PC: variants seen among roughly 807,000 people sequenced by gnomAD.
PC encodes pyruvate carboxylase, mitochondrial.
In PC, 46 loss-of-function variants were observed where a neutral mutation model predicts 107.8. The observed-to-expected ratio is 0.43, with a 90% CI of 0.34 to 0.55. The LOEUF (loss-of-function observed/expected upper bound fraction) is 0.55. Among genes scored for constraint, PC ranks in the 20% least tolerant of loss-of-function variants. The pLI, the probability that PC is intolerant of heterozygous loss-of-function variation, is 0.04. For synonymous variants in PC, 662 were observed against 684.7 expected (o/e 0.97, Z 0.52); for missense variants, 1,241 against 1,643.1 (o/e 0.76, Z 4.23).
intron 10 of PC, 24 bp downstream of exon 10, chr11:66,868,822 C>T (rs1399443888): frequency 6.3e-7 from 1 of 1,582,114 alleles, no homozygotes. Context: ...GCGCCTCCCG[C>T]CCCGCCTGCC....
At chr11:66,950,144 T>C (rs1355845587) in intron 3 of PC, among the ~76,000 whole-genome samples, 1 of 152,216 alleles carries the variant, frequency 6.6e-6, no homozygotes, top group Admixed American at 6.5e-5. Flanking sequence ...ACGTAATAAA[T>C]GGGCAGCATG....
rs1369811876 is a variant in PC, at chr11:66,852,043, T to C, written c.1826-97A>G. 1 of 1,252,960 alleles carries C rather than the reference T, an allele frequency of 8.0e-7. No individual in the cohort carries two copies. Among genetic ancestry groups the C allele is most frequent in the Non-Finnish European group, 1.1e-6 (1 of 875,512 alleles). The allele number at this position is 1,252,960 out of a possible 1,614,324, so 77.6% of individuals were successfully genotyped here. A position where few individuals can be genotyped will look rare whatever the true frequency, so the allele number is the denominator to read the frequency against. ...CTGCAGCACAAGCCTCTGGCCCCAA[T>C]ACCAGGTCCTGCTCATCTTCGCCAT... is the stretch of plus-strand genomic sequence containing the variant. On this transcript the variant is annotated intron_variant, in intron 15 of 22. Coordinates refer to ENST00000393960, the MANE Select transcript of PC (RefSeq NM_001040716.2). This position sits in a 1 kb window ranked among gnomAD's most constrained non-coding sequence, Gnocchi z 4.7.
chr11:66,870,815 C>T lies in PC; in HGVS notation c.711G>A (p.Lys237=). 1 of 1,613,718 alleles carries T rather than the reference C, an allele frequency of 6.2e-7. No homozygotes were observed. Among genetic ancestry groups the T allele is most frequent in the Non-Finnish European group, 8.5e-7 (1 of 1,180,004 alleles). ...CGATGTGCCGTGGCTTCTCGATGAA[C>T]TTCTCCACAAACAGCGCCCCATTCC... is the stretch of plus-strand genomic sequence containing the variant. ...AFGNGALFVE[K]FIEKPRHIEV... is the part of the protein sequence containing the mutation. The change falls in exon 8 of 23, where the codon AAG becomes AAA. Residue 237 remains lysine (K), a synonymous_variant. Coordinates refer to ENST00000393960, the MANE Select transcript of PC (RefSeq NM_001040716.2). The surrounding 1 kb of genome is among the most constrained non-coding windows in gnomAD (Gnocchi z 6.1).
rs150731428 is a variant in PC at position 66,866,221 on chromosome 11, G to A, written c.1151C>T (p.Ala384Val). 12 of 1,611,434 alleles carry A rather than the reference G, an allele frequency of 7.4e-6. No homozygotes were observed. Among genetic ancestry groups the A allele is most frequent in the South Asian group, 3.3e-5 (3 of 91,014 alleles). ...GCCGGTGTCCGGCTGGAAGCTGCGC[G>A]CGGGGTCCTCGGTGGTGACCCGGCA... The part of the protein sequence containing the change: ...IQCRVTTEDP[A>V]RSFQPDTGRI... Residue 384 changes from alanine to valine, a missense_variant, in exon 11 of 23, where the codon GCG becomes GTG. Around this residue, in one of 2 missense-constraint regions of PC, gnomAD observed 1,143 missense variants for 1,551.9 expected, o/e 0.74. Transcript: ENST00000393960. This position sits in a 1 kb window ranked among gnomAD's most constrained non-coding sequence, Gnocchi z 5.4.
In PC at chr11:66,852,047, A is replaced by G. The variant is rs1459802593; in HGVS notation, c.1826-101T>C. 1.6e-6 allele frequency: 2 copies of G among 1,228,648 alleles called. No individual in the cohort carries two copies. The highest frequency in any genetic ancestry group is 2.3e-6 in the Non-Finnish European group (2 of 854,736). The allele number at this position is 1,228,648 out of a possible 1,614,324, so 76.1% of individuals were successfully genotyped here. On this transcript the variant is annotated intron_variant, in intron 15 of 22. Transcript: ENST00000393960. This position sits in a 1 kb window ranked among gnomAD's most constrained non-coding sequence, Gnocchi z 4.7. ...AGCACAAGCCTCTGGCCCCAATACC[A>G]GGTCCTGCTCATCTTCGCCATACCT...
intron 3 of PC, among the ~76,000 whole-genome samples, chr11:66,938,307 G>A (rs1257804738): frequency 6.6e-6 from 1 of 152,090 alleles, no homozygotes; most frequent in Non-Finnish European, 1.5e-5. Context: ...GAAAAAGTTG[G>A]TTTTAATCAT....
intron 3 of PC, among the ~76,000 whole-genome samples, chr11:66,925,962 G>A (rs576704355): frequency 1.1e-4 from 16 of 151,524 alleles, no homozygotes; most frequent in East Asian, 1.9e-4. Context: ...ATCATACATC[G>A]TAGGCTACTG....
In PC at chr11:66,862,630, C is replaced by G. The variant is rs1013891891; in HGVS notation, c.1368+1144G>C. On this transcript the variant is annotated intron_variant, in intron 12 of 22. Coordinates refer to ENST00000393960, the MANE Select transcript of PC (RefSeq NM_001040716.2). The stretch of plus-strand genomic sequence containing the variant: ...CCAAAGCCCCTGTCCTCCGGCTCTT[C>G]TTGCCATTCTGAGGGTGGCTCCCAC... Among the ~76,000 whole-genome samples, 15 of 152,374 alleles carry G rather than the reference C, an allele frequency of 9.8e-5. No homozygotes were observed. In the South Asian group the frequency reaches 2.1e-3, roughly 21 times the overall value.
intron 3 of PC, among the ~76,000 whole-genome samples, chr11:66,942,653 G>A (rs957507299): frequency 6.6e-6 from 1 of 152,116 alleles, no homozygotes; most frequent in African/African-American, 2.4e-5. Flanking sequence ...AAAGTCTGCA[G>A]ATAGTGGTGA....
chr11:66,914,536 G>C (rs867937211), intron 3 of PC, among the ~76,000 whole-genome samples: 2 of 151,030 alleles, frequency 1.3e-5, no homozygotes, highest in Non-Finnish European at 1.5e-5. Context: ...AAGAAAGAAA[G>C]ACTTTGCCAG....
chr11:66,871,817 A>G lies in PC; in HGVS notation c.191T>C (p.Val64Ala). 1 of 1,609,354 alleles carries G rather than the reference A, an allele frequency of 6.2e-7. No individual in the cohort carries two copies. The highest frequency in any genetic ancestry group is 8.5e-7 in the Non-Finnish European group (1 of 1,179,526). Reference protein sequence around the residue: ...RACTELGIRTVAIYSEQDTGQ... With the variant: ...RACTELGIRTAAIYSEQDTGQ... ...CGTGTCCTGCTCAGAGTAGATGGCTACGGTGCGGATGCCCAGCTCCGTGCA... is the reference window on the plus strand; with the variant it reads ...CGTGTCCTGCTCAGAGTAGATGGCTGCGGTGCGGATGCCCAGCTCCGTGCA... The change falls in exon 5 of 23, where the codon GTA (valine) becomes GCA (alanine). Residue 64 changes from valine to alanine, a missense_variant. Physicochemically the swap from Val to Ala is moderately conservative, Grantham distance 64. This residue lies in a region of PC where 1,143 missense variants were observed against 1,551.9 expected (regional missense o/e 0.74). Transcript: ENST00000393960. The surrounding 1 kb of genome is among the most constrained non-coding windows in gnomAD (Gnocchi z 7.4).
At chr11:66,913,454 G>A (rs1405930467) in intron 3 of PC, among the ~76,000 whole-genome samples, 1 of 151,888 alleles carries the variant, frequency 6.6e-6, no homozygotes, top group East Asian at 1.9e-4. Context: ...GGAGGCTGAG[G>A]TGGGCGGAAC....
At chr11:66,888,942 T>C (rs1210980832) in intron 3 of PC, among the ~76,000 whole-genome samples, 2 of 151,824 alleles carry the variant, frequency 1.3e-5, no homozygotes, top group Non-Finnish European at 2.9e-5. Context: ...GGCGTGGTGG[T>C]GCATGCCTGT....
At chr11:66,948,052 T>C (rs997752968) in intron 3 of PC, among the ~76,000 whole-genome samples, 4 of 149,716 alleles carry the variant, frequency 2.7e-5, no homozygotes, top group Non-Finnish European at 4.4e-5. Flanking sequence ...GATAGATAGA[T>C]AGATAGATAG....
chr11:66,885,241 C>A (rs932549232), intron 3 of PC, among the ~76,000 whole-genome samples: 1 of 152,196 alleles, frequency 6.6e-6, no homozygotes, highest in Non-Finnish European at 1.5e-5. Flanking sequence ...GTAATCCCAG[C>A]ACTTTCGGAG....
intron 16 of PC, 95 bp from the exon 17 acceptor site, chr11:66,851,375 G>A (rs1468447302): frequency 2.1e-5 from 33 of 1,558,500 alleles, no homozygotes; most frequent in Non-Finnish European, 2.8e-5. Flanking sequence ...TGGCCCCTGG[G>A]GAATGAGATC....
intron 3 of PC, among the ~76,000 whole-genome samples, chr11:66,898,464 G>T (rs1161668911): frequency 6.6e-6 from 1 of 152,158 alleles, no homozygotes; most frequent in Non-Finnish European, 1.5e-5. Context: ...CAGATCACTT[G>T]AAGTCAGGAG....
intron 12 of PC, chr11:66,859,768 G>C: frequency 6.2e-7 from 1 of 1,606,722 alleles, no homozygotes; most frequent in Non-Finnish European, 8.5e-7. Flanking sequence ...CTGCTGGGCT[G>C]TGCCCATTTC....
intron 3 of PC, among the ~76,000 whole-genome samples, chr11:66,951,346 G>A (rs1949430921): frequency 6.6e-6 from 1 of 152,190 alleles, no homozygotes; most frequent in Non-Finnish European, 1.5e-5. Flanking sequence ...CCAGCAGGGG[G>A]AGAGGGGACT....
Sources: allele counts gnomAD v4.1 joint callset (sites outside exome capture counted in the v4.1 genomes callset), GRCh38; gene constraint gnomAD v4.1.1; regional missense constraint gnomAD v4.1.1; non-coding constraint Gnocchi (gnomAD v3.1); transcripts MANE v1.5; gene names NCBI Gene and HGNC (gene_info 2026-07-23, HGNC 2026-07-21).